Variants in CDYL2 observed in about 807,000 individuals in gnomAD.
CDYL2 encodes chromodomain Y like 2.
A neutral mutation model predicts 49.4 loss-of-function variants in CDYL2; 23 were observed. The ratio of observed to expected loss-of-function variants is 0.47; its 90% CI spans 0.34 to 0.66. CDYL2 has a LOEUF of 0.66. CDYL2 is among the 30% of genes least tolerant of loss of function. The pLI, the probability that CDYL2 is intolerant of heterozygous loss-of-function variation, is 0.01. For synonymous variants in CDYL2, 360 were observed against 268.8 expected, an observed-to-expected ratio of 1.34 and a Z score of -3.32; for missense variants, 678 against 656.4, an observed-to-expected ratio of 1.03 and a Z score of -0.36.
chr16:80,802,851 C>A (rs1482502162), intron 1 of CDYL2, among the ~76,000 whole-genome samples: 1 of 152,244 alleles, frequency 6.6e-6, no homozygotes, highest in Non-Finnish European at 1.5e-5. Flanking sequence ...TCACCCCCTG[C>A]AGTCTGTCGT....
At chr16:80,647,921 A>G (rs1397933718) in intron 2 of CDYL2, among the ~76,000 whole-genome samples, 1 of 152,194 alleles carries the variant, frequency 6.6e-6, no homozygotes, top group Non-Finnish European at 1.5e-5. Flanking sequence ...ATGCTACTGA[A>G]TGAAGGAATT....
chr16:80,779,130 C>T (rs903262840), intron 1 of CDYL2, among the ~76,000 whole-genome samples: 1 of 151,888 alleles, frequency 6.6e-6, no homozygotes, highest in African/African-American at 2.4e-5. Context: ...GGGAGGAGAA[C>T]AGTGAGATGA....
chr16:80,795,811 C>T (rs1907754313), intron 1 of CDYL2, among the ~76,000 whole-genome samples: 1 of 152,164 alleles, frequency 6.6e-6, no homozygotes, highest in Admixed American at 6.5e-5. Context: ...CTACGCTTGC[C>T]CCTCATTACA....
At chr16:80,661,173 C>A (rs1909027785) in intron 2 of CDYL2, among the ~76,000 whole-genome samples, 1 of 152,078 alleles carries the variant, frequency 6.6e-6, no homozygotes, top group Non-Finnish European at 1.5e-5. Context: ...CCCTTCAGGC[C>A]TGGAGGAAGG....
chr16:80,788,305 T>A (rs1050150362), intron 1 of CDYL2, among the ~76,000 whole-genome samples: 1 of 152,174 alleles, frequency 6.6e-6, no homozygotes, highest in African/African-American at 2.4e-5. Context: ...TTTTTGTGAG[T>A]CAGCATGGCT....
chr16:80,784,841 T>G (rs1285869904), intron 1 of CDYL2, among the ~76,000 whole-genome samples: 1 of 152,152 alleles, frequency 6.6e-6, no homozygotes, highest in African/African-American at 2.4e-5. Context: ...AGGAGGTCTA[T>G]CCTGGTCTGG....
Position 80,620,699 on chromosome 16 carries a change from C to A in CDYL2, c.1007+64G>T, listed in dbSNP as rs139706911. 2.4e-4 allele frequency: 338 copies of A among 1,407,630 alleles called. 1 individual carries two copies. In the African/African-American group the frequency reaches 4.4e-3, roughly 18 times the overall value. The allele number at this position is 1,407,630 out of a possible 1,614,324, so 87.2% of individuals were successfully genotyped here. ...TTGAAATTCGAATTTAACTGAGCAG[C>A]CTGTATTTTTACTTGGTAATCCTAC... On this transcript the variant is annotated intron_variant, in intron 4 of 6. Transcript: ENST00000570137.
intron 1 of CDYL2, among the ~76,000 whole-genome samples, chr16:80,703,139 C>T (rs1009564501): frequency 1.3e-5 from 2 of 152,154 alleles, no homozygotes; most frequent in African/African-American, 4.8e-5. Context: ...CATACACACA[C>T]ACCTGGGCAA....
chr16:80,670,943 C>T lies in CDYL2; in HGVS notation c.616+13595G>A, dbSNP rs1230135011. ...GCTTGCCTCACCAGCTGTTCTTCCA[C>T]CACCTGGAATAACATGAATATCTAA... On this transcript the variant is annotated intron_variant, in intron 2 of 6. Coordinates refer to ENST00000570137, the MANE Select transcript of CDYL2 (RefSeq NM_152342.4). 3 of 455,980 alleles carry T rather than the reference C, an allele frequency of 6.6e-6. No homozygotes were observed. The Admixed American group carries it at 7.0e-5, about 11-fold the overall frequency. 28.2% of individuals were successfully genotyped at this position (455,980 alleles called of 1,614,324 possible).
chr16:80,756,652 T>G (rs1195051753), intron 1 of CDYL2, among the ~76,000 whole-genome samples: 1 of 152,174 alleles, frequency 6.6e-6, no homozygotes, highest in East Asian at 1.9e-4. Flanking sequence ...CCACTCATTT[T>G]ATAACATTTA....
chr16:80,715,896 C>G (rs1904781880), intron 1 of CDYL2, among the ~76,000 whole-genome samples: 1 of 152,196 alleles, frequency 6.6e-6, no homozygotes, highest in African/African-American at 2.4e-5. Context: ...CTTCCTCTAA[C>G]TCCTACCCAC....
chr16:80,698,421 G>C (rs1353222042), intron 1 of CDYL2, among the ~76,000 whole-genome samples: 1 of 152,078 alleles, frequency 6.6e-6, no homozygotes, highest in African/African-American at 2.4e-5. Flanking sequence ...AAACCAAATA[G>C]CTGAATTAAA....
At chr16:80,687,387 T>C (rs964363961) in intron 1 of CDYL2, among the ~76,000 whole-genome samples, 12 of 151,872 alleles carry the variant, frequency 7.9e-5, no homozygotes, top group Middle Eastern at 3.2e-3. Context: ...GGTGGATGGA[T>C]GGATGGGTGG....
intron 3 of CDYL2, among the ~76,000 whole-genome samples, chr16:80,625,652 C>T (rs1019866845): frequency 2.0e-5 from 3 of 152,134 alleles, no homozygotes; most frequent in African/African-American, 7.2e-5. Flanking sequence ...CAAGCACAGA[C>T]ATATCATATT....
chr16:80,651,671 A>C (rs879600967), intron 2 of CDYL2, among the ~76,000 whole-genome samples: 4 of 152,254 alleles, frequency 2.6e-5, no homozygotes, highest in Non-Finnish European at 5.9e-5. Context: ...TCTGAATTAT[A>C]TATGTATAAA....
chr16:80,716,930 G>C (rs867269087), intron 1 of CDYL2, among the ~76,000 whole-genome samples: 1 of 150,944 alleles, frequency 6.6e-6, no homozygotes, highest in African/African-American at 2.4e-5. Context: ...TGGATAGACA[G>C]ATGAATGGAT....
At chr16:80,687,019 TTAC>T (rs779601233) in intron 1 of CDYL2, among the ~76,000 whole-genome samples, 5 of 152,114 alleles carry the variant, frequency 3.3e-5, no homozygotes, top group African/African-American at 7.2e-5. Flanking sequence ...AGGAATGGAG[TTAC>T]TGAGTATTCC....
At chr16:80,697,019 T>A (rs1160267745) in intron 1 of CDYL2, among the ~76,000 whole-genome samples, 1 of 151,368 alleles carries the variant, frequency 6.6e-6, no homozygotes, top group Non-Finnish European at 1.5e-5. Flanking sequence ...AAAAAAAAAA[T>A]AAGTAAAGTA....
intron 4 of CDYL2, among the ~76,000 whole-genome samples, chr16:80,615,673 C>G (rs1906796572): frequency 6.6e-6 from 1 of 152,064 alleles, no homozygotes; most frequent in African/African-American, 2.4e-5. Context: ...CTGCAGGACC[C>G]CAGAGCCTTT....
Sources: allele counts gnomAD v4.1 joint callset (sites outside exome capture counted in the v4.1 genomes callset), GRCh38; gene constraint gnomAD v4.1.1; transcripts MANE v1.5; gene names NCBI Gene and HGNC (gene_info 2026-07-23, HGNC 2026-07-21).